GRTP1: variants seen among roughly 807,000 people sequenced by gnomAD.
The protein encoded by GRTP1 is growth hormone regulated TBC protein 1.
In GRTP1, 56 loss-of-function variants were observed where a neutral mutation model predicts 38.1. The ratio of observed to expected loss-of-function variants is 1.47; its 90% confidence interval spans 1.19 to 1.84. The LOEUF is 1.84. Among genes scored for constraint, GRTP1 ranks in the 40% most tolerant of loss-of-function variants. GRTP1 has a pLI of 0.00. For synonymous variants in GRTP1, 217 were observed against 189.5 expected (o/e 1.14, Z -1.19); for missense variants, 506 against 453.9 (o/e 1.11, Z -1.04).
intron 5 of GRTP1, among the ~76,000 whole-genome samples, chr13:113,337,917 C>T (rs1203041583): frequency 1.3e-5 from 2 of 152,276 alleles, no homozygotes; most frequent in South Asian, 2.1e-4. Context: ...TGTGCCTTGT[C>T]GGTCCACATC....
At chr13:113,331,312 C>T (rs2042867790) in intron 5 of GRTP1, among the ~76,000 whole-genome samples, 1 of 152,206 alleles carries the variant, frequency 6.6e-6, no homozygotes, top group African/African-American at 2.4e-5. Context: ...AGGTGCATGA[C>T]CTGGGGGTTG....
At chr13:113,330,772 T>C (rs1361382484) in intron 5 of GRTP1, among the ~76,000 whole-genome samples, 41 of 56 alleles carry the variant, frequency 0.73, 20 homozygotes, top group South Asian at 1. Flanking sequence ...GCGTGGAAAC[T>C]CAGGTGCGTG....
At chr13:113,324,882 A>G in intron 7 of GRTP1, 1 of 897,028 alleles carries the variant, frequency 1.1e-6, no homozygotes, top group Non-Finnish European at 1.4e-6. Flanking sequence ...GCTGGAGTGC[A>G]GTGGCGCGAT....
chr13:113,363,975 C>A (rs1337737997), intron 1 of GRTP1, 45 bp downstream of exon 1: 1 of 1,541,618 alleles, frequency 6.5e-7, no homozygotes, highest in Non-Finnish European at 8.7e-7. Context: ...CGGGCCCGCG[C>A]GGGGACCGCA....
intron 2 of GRTP1, 114 bp from the exon 3 acceptor site, chr13:113,355,595 G>C: frequency 7.8e-7 from 1 of 1,278,282 alleles, no homozygotes; most frequent in South Asian, 1.7e-5. Context: ...AAATATTAAA[G>C]AGACCCAGAA....
At chr13:113,354,237 C>T (rs2043338226) in intron 3 of GRTP1, among the ~76,000 whole-genome samples, 1 of 152,182 alleles carries the variant, frequency 6.6e-6, no homozygotes, top group Non-Finnish European at 1.5e-5. Flanking sequence ...CACTGGAGAC[C>T]TTTGGCGGCC....
rs189649056 is a variant in GRTP1, at chr13:113,331,334, G to A, written c.563-5243C>T. Among the ~76,000 whole-genome samples the A allele has an allele frequency of 6.0e-4, 91 of 152,330 alleles. No individual in the cohort carries two copies. In the East Asian group the frequency reaches 0.016, roughly 27 times the overall value. On this transcript the variant is annotated intron_variant, in intron 5 of 7. Transcript: ENST00000375431. ...TGACCTGGGGGTTGGGGGCTCAGGG[G>A]CGGCTGCTACCAGGATGGCCTTGCC...
Position 113,324,241 on chromosome 13 carries a change from T to G in GRTP1, c.*247A>C. 1 of 452,036 alleles carries G rather than the reference T, an allele frequency of 2.2e-6. No individual in the cohort carries two copies. The highest frequency in any genetic ancestry group is 3.7e-6 in the Non-Finnish European group (1 of 270,250). The allele number at this position is 452,036 out of a possible 1,614,324, so 28.0% of individuals were successfully genotyped here. A position where few individuals can be genotyped will look rare whatever the true frequency, so the allele number is the denominator to read the frequency against. On this transcript the variant is annotated 3_prime_UTR_variant, in exon 8 of 8. Coordinates refer to ENST00000375431, the MANE Select transcript of GRTP1 (RefSeq NM_024719.4). ...TATTAGATACAAACCCACACTCACA[T>G]TTTATATATTATTGATCTCTCAGGT...
Position 113,364,053 on chromosome 13 carries a change from C to T in GRTP1, c.-2G>A, listed in dbSNP as rs1204039919. Reference sequence around the variant, plus strand: ...CCGCGAGCGCTCGGCGGGCTGCATGCGGGGAGGGAGGCGCGCACCGAGCGA... The same window carrying T: ...CCGCGAGCGCTCGGCGGGCTGCATGTGGGGAGGGAGGCGCGCACCGAGCGA... On this transcript the variant is annotated 5_prime_UTR_variant, in exon 1 of 8. Coordinates refer to ENST00000375431, the MANE Select transcript of GRTP1 (RefSeq NM_024719.4). 7.8e-7 allele frequency: 1 copy of T among 1,284,698 alleles called. No homozygotes were observed. Among genetic ancestry groups the T allele is most frequent in the Admixed American group, 3.9e-5 (1 of 25,760 alleles). The allele number at this position is 1,284,698 out of a possible 1,614,324, so 79.6% of individuals were successfully genotyped here.
chr13:113,350,841 A>G lies in GRTP1; in HGVS notation c.465+8T>C, dbSNP rs754327688. The G allele has an allele frequency of 6.4e-7, 1 of 1,561,160 alleles. No homozygotes were observed. The highest frequency in any genetic ancestry group is 8.7e-7 in the Non-Finnish European group (1 of 1,145,818). ...CACCTCATGGCGTCAGAGGGTCCCG[A>G]GGCTCACCTGGCAGTAGCCCACTCC... On this transcript the variant is annotated splice_region_variant and intron_variant, in intron 4 of 7. Transcript: ENST00000375431.
chr13:113,364,041 G>T lies in GRTP1; in HGVS notation c.11C>A (p.Ala4Asp), dbSNP rs191965264. Residue 4 changes from alanine to aspartate, a missense_variant, in exon 1 of 8, where the codon GCC becomes GAC. Physicochemically the swap from Ala to Asp is moderately radical, Grantham distance 126 (BLOSUM62 -2). Coordinates refer to ENST00000375431, the MANE Select transcript of GRTP1 (RefSeq NM_024719.4). ...ACACCTGGGGACCCGCGAGCGCTCG[G>T]CGGGCTGCATGCGGGGAGGGAGGCG... The part of the protein sequence containing the change: MQP[A>D]ERSRVPRIDP... 1,852 of 1,291,598 alleles carry T rather than the reference G, an allele frequency of 1.4e-3. 74 individuals carry two copies. The East Asian group carries it at 0.052, about 37-fold the overall frequency. 80.0% of individuals were successfully genotyped at this position (1,291,598 alleles called of 1,614,324 possible). A position where few individuals can be genotyped will look rare whatever the true frequency, so the allele number is the denominator to read the frequency against.
intron 7 of GRTP1, chr13:113,325,402 A>G (rs2042744703): frequency 1.2e-5 from 17 of 1,433,620 alleles, no homozygotes; most frequent in Middle Eastern, 2.5e-4. Flanking sequence ...GGCACCACAC[A>G]CAGCAGATGA....
chr13:113,326,578 G>A (rs918742828), intron 5 of GRTP1, among the ~76,000 whole-genome samples: 7 of 152,102 alleles, frequency 4.6e-5, no homozygotes, highest in Admixed American at 6.5e-5. Flanking sequence ...GGCTGAGGCA[G>A]GAGAATCGCT....
intron 2 of GRTP1, among the ~76,000 whole-genome samples, chr13:113,362,224 G>C (rs1037428887): frequency 6.6e-6 from 1 of 152,018 alleles, no homozygotes; most frequent in Non-Finnish European, 1.5e-5. Context: ...CAGCTACTCA[G>C]GAGGCTGAGG....
At chr13:113,354,280 T>G (rs1020482854) in intron 3 of GRTP1, among the ~76,000 whole-genome samples, 1 of 152,202 alleles carries the variant, frequency 6.6e-6, no homozygotes, top group South Asian at 2.1e-4. Flanking sequence ...GCCTCTCCCC[T>G]GGCAGCCCCA....
intron 5 of GRTP1, among the ~76,000 whole-genome samples, chr13:113,330,117 G>A (rs2042837694): frequency 1.3e-5 from 2 of 150,416 alleles, no homozygotes; most frequent in African/African-American, 5.0e-5. Context: ...GGAAACCCGG[G>A]TGTGTGCATG....
chr13:113,345,992 GTGGACC>G (rs2043101056), intron 4 of GRTP1, among the ~76,000 whole-genome samples: 1 of 150,206 alleles, frequency 6.7e-6, no homozygotes, highest in African/African-American at 2.5e-5. Flanking sequence ...GTGGCCGAGA[GTGGACC>G]CGAGAGGACC....
At position 113,346,168 on chromosome 13, in the gene GRTP1, G is replaced by GACCCAGGAGGATCTC. The variant is rs1566429423; in HGVS notation, c.466-1210_466-1209insGAGATCCTCCTGGGT. Among the ~76,000 whole-genome samples the GACCCAGGAGGATCTC allele has an allele frequency of 9.0e-5, 13 of 144,730 alleles. No individual in the cohort carries two copies. In the East Asian group the frequency reaches 2.0e-3, roughly 23 times the overall value. The allele number at this position is 144,730 out of a possible 152,430, so 94.9% of individuals were successfully genotyped here. A position where few individuals can be genotyped will look rare whatever the true frequency, so the allele number is the denominator to read the frequency against. ...CCCGGGAGGACCTCTGTGCCTGACA[G>GACCCAGGAGGATCTC]TGGACCCGGGAGGACCTCTGTGGCT... On this transcript the variant is annotated intron_variant, in intron 4 of 7. Transcript: ENST00000375431.
At chr13:113,345,287 A>G (rs1303972396) in intron 4 of GRTP1, among the ~76,000 whole-genome samples, 1 of 152,280 alleles carries the variant, frequency 6.6e-6, no homozygotes, top group East Asian at 1.9e-4. Context: ...AAATTACTAT[A>G]TATCAACAGC....
Sources: allele counts gnomAD v4.1 joint callset (sites outside exome capture counted in the v4.1 genomes callset), GRCh38; gene constraint gnomAD v4.1.1; transcripts MANE v1.5; gene names NCBI Gene and HGNC (gene_info 2026-07-23, HGNC 2026-07-21).